Variants in WARS1 observed in about 807,000 individuals in gnomAD.
WARS1 encodes tryptophanyl-tRNA synthetase 1, also known as tryptophan--tRNA ligase, cytoplasmic.
WARS1 carries 17 observed loss-of-function variants against 47.8 expected under a neutral mutation model. That is an observed-to-expected ratio of 0.36 (90% CI 0.24 to 0.53). The LOEUF is 0.53. Ranked by LOEUF, WARS1 falls within the 20% of genes least tolerant of loss-of-function variation. WARS1 has a pLI of 0.91. For missense variants in WARS1, 434 were observed against 608.0 expected (o/e 0.71, Z 3.01); for synonymous variants, 208 against 228.1 (o/e 0.91, Z 0.79).
At chr14:100,342,677 A>T (rs1230653309) in intron 8 of WARS1, 106 bp from the exon 9 acceptor site, 10 of 1,108,334 alleles carry the variant, frequency 9.0e-6, no homozygotes, top group Non-Finnish European at 1.3e-5. Context: ...CATGCTTCCA[A>T]CCAAAGAAAT....
At chr14:100,369,522 G>A (rs1023464793) in intron 1 of WARS1, among the ~76,000 whole-genome samples, 1 of 151,832 alleles carries the variant, frequency 6.6e-6, no homozygotes, top group African/African-American at 2.4e-5. Flanking sequence ...ACTAGGAGGG[G>A]CCCTCCTAGT....
intron 3 of WARS1, 141 bp downstream of exon 3, chr14:100,361,567 T>G: frequency 1.3e-6 from 1 of 757,170 alleles, no homozygotes; most frequent in Non-Finnish European, 2.1e-6. Flanking sequence ...AACCAAAAGA[T>G]TTTAGTATCC....
At chr14:100,358,445 T>C (rs1895467912) in intron 4 of WARS1, among the ~76,000 whole-genome samples, 1 of 152,072 alleles carries the variant, frequency 6.6e-6, no homozygotes, top group Non-Finnish European at 1.5e-5. Flanking sequence ...AATAGTCTTT[T>C]CAAAAAACAG....
At position 100,356,405 on chromosome 14, in the gene WARS1, G is replaced by GC. The variant is rs1444166808; in HGVS notation, c.423-1840_423-1839insG. On this transcript the variant is annotated intron_variant, in intron 4 of 10. Transcript: ENST00000392882. ...TGGGTGTGTGTGTGTGTGTGGGGGGGGGTGTGGAATAAAAGAGAAGACTCA... is the reference window on the plus strand; with the variant it reads ...TGGGTGTGTGTGTGTGTGTGGGGGGGCGGTGTGGAATAAAAGAGAAGACTCA... 2.7e-5 allele frequency among the ~76,000 whole-genome samples: 4 copies of GC among 149,246 alleles called. 1 individual carries two copies. Among genetic ancestry groups the GC allele is most frequent in the Non-Finnish European group, 4.5e-5 (3 of 66,974 alleles).
chr14:100,352,111 T>TC (rs1230796727), intron 6 of WARS1, among the ~76,000 whole-genome samples: 214 of 126,324 alleles, frequency 1.7e-3, no homozygotes, highest in East Asian at 2.9e-3. Flanking sequence ...TTTCTTTCTT[T>TC]TTTTTTTTTT....
chr14:100,340,998 C>G (rs1894128093), intron 9 of WARS1, among the ~76,000 whole-genome samples: 1 of 151,428 alleles, frequency 6.6e-6, no homozygotes, highest in Non-Finnish European at 1.5e-5. Flanking sequence ...CACTGCAACC[C>G]CTGTCTTCCA....
chr14:100,359,665 T>C (rs1895539014), intron 4 of WARS1, among the ~76,000 whole-genome samples: 1 of 152,350 alleles, frequency 6.6e-6, no homozygotes, highest in Admixed American at 6.5e-5. Context: ...AATGGGTTAA[T>C]GGGTAGAAGT....
chr14:100,359,924 C>T (rs753733713), intron 4 of WARS1, among the ~76,000 whole-genome samples: 3 of 152,046 alleles, frequency 2.0e-5, no homozygotes, highest in African/African-American at 7.2e-5. Context: ...CTCCTGTAAG[C>T]GTGAAGTGCC....
intron 4 of WARS1, among the ~76,000 whole-genome samples, chr14:100,355,048 G>C (rs957869086): frequency 6.6e-6 from 1 of 152,096 alleles, no homozygotes; most frequent in Non-Finnish European, 1.5e-5. Flanking sequence ...TGCCCAGTTG[G>C]AGATCTATCT....
intron 2 of WARS1, chr14:100,366,519 T>C (rs1487753795): frequency 8.4e-6 from 4 of 476,708 alleles, no homozygotes; most frequent in Non-Finnish European, 1.5e-5. Flanking sequence ...CAAATTAAGA[T>C]GGAAGAAACT....
At chr14:100,358,788 T>C (rs1489741155) in intron 4 of WARS1, among the ~76,000 whole-genome samples, 1 of 152,178 alleles carries the variant, frequency 6.6e-6, no homozygotes, top group Non-Finnish European at 1.5e-5. Flanking sequence ...AATAAGAAAC[T>C]AGTATCCAGA....
chr14:100,366,785 A>C, intron 2 of WARS1: 1 of 1,183,432 alleles, frequency 8.4e-7, no homozygotes, highest in Non-Finnish European at 1.3e-6. Context: ...TTGAAGATAC[A>C]TGGGTGGCTT....
At chr14:100,350,265 G>A (rs1027580438) in intron 6 of WARS1, among the ~76,000 whole-genome samples, 5 of 151,912 alleles carry the variant, frequency 3.3e-5, no homozygotes, top group East Asian at 3.9e-4. Flanking sequence ...GGTGGCGGGC[G>A]CCTGTAATCC....
rs891713321 is a variant in WARS1 at position 100,373,854 on chromosome 14, G to T, written c.-74+1429C>A. The T allele has an allele frequency of 6.6e-6, 1 of 150,732 alleles. No homozygotes were observed. Among genetic ancestry groups the T allele is most frequent in the African/African-American group, 2.5e-5 (1 of 40,478 alleles). 9.3% of individuals were successfully genotyped at this position (150,732 alleles called of 1,614,324 possible). A position where few individuals can be genotyped will look rare whatever the true frequency, so the allele number is the denominator to read the frequency against. On this transcript the variant is annotated intron_variant, in intron 1 of 10. Coordinates refer to ENST00000392882, the MANE Select transcript of WARS1 (RefSeq NM_004184.4). This position sits in a 1 kb window ranked among gnomAD's most constrained non-coding sequence, Gnocchi z 4.4. ...TGTGTGTGTGTGTGTGTGTGTGTGT[G>T]TGTGTGTGTGTATGATGCAACTTTC...
At chr14:100,368,829 T>G in intron 2 of WARS1, among the ~76,000 whole-genome samples, 1 of 151,942 alleles carries the variant, frequency 6.6e-6, no homozygotes, top group East Asian at 1.9e-4. Flanking sequence ...GGTGTGGTGG[T>G]GCATGCCTGT....
At chr14:100,367,501 C>T (rs1205663661) in intron 2 of WARS1, among the ~76,000 whole-genome samples, 4 of 144,258 alleles carry the variant, frequency 2.8e-5, no homozygotes, top group Admixed American at 2.2e-4. Context: ...GACAGGAGAA[C>T]TGCTTGAACC....
chr14:100,352,376 C>T (rs1895052987), intron 6 of WARS1, among the ~76,000 whole-genome samples: 1 of 152,094 alleles, frequency 6.6e-6, no homozygotes, highest in Non-Finnish European at 1.5e-5. Flanking sequence ...CCTCAGCCTC[C>T]CAAAGTGCTG....
intron 1 of WARS1, among the ~76,000 whole-genome samples, chr14:100,372,937 T>C (rs1014102498): frequency 6.6e-6 from 1 of 152,182 alleles, no homozygotes; most frequent in Admixed American, 6.5e-5. Flanking sequence ...TGATTATCTT[T>C]CCAATTTGAA....
At chr14:100,339,601 A>AAAG (rs1894019515) in intron 9 of WARS1, among the ~76,000 whole-genome samples, 1 of 151,540 alleles carries the variant, frequency 6.6e-6, no homozygotes, top group Non-Finnish European at 1.5e-5. Context: ...AAAAAAAAAA[A>AAAG]AAAAAAAAGG....
Sources: allele counts gnomAD v4.1 joint callset (sites outside exome capture counted in the v4.1 genomes callset), GRCh38; gene constraint gnomAD v4.1.1; non-coding constraint Gnocchi (gnomAD v3.1); transcripts MANE v1.5; gene names NCBI Gene and HGNC (gene_info 2026-07-23, HGNC 2026-07-21).